Variants in NOL4L observed in about 807,000 individuals in gnomAD.
The protein encoded by NOL4L is nucleolar protein 4-like.
NOL4L carries 7 observed loss-of-function variants against 64.5 expected under a neutral mutation model. The observed-to-expected ratio is 0.11, with a 90% CI of 0.06 to 0.20. The LOEUF (loss-of-function observed/expected upper bound fraction) is 0.20, where lower values mean the gene tolerates loss of function less well. Ranked by LOEUF, NOL4L falls within the 10% of genes least tolerant of loss-of-function variation. The pLI, the probability that NOL4L is intolerant of heterozygous loss-of-function variation, is 1.00. For synonymous variants in NOL4L, 413 were observed against 401.0 expected (o/e 1.03, Z -0.36); for missense variants, 680 against 967.1 (o/e 0.70, Z 3.94).
chr20:32,527,528 A>AC (rs958710389), intron 2 of NOL4L, among the ~76,000 whole-genome samples: 2 of 149,524 alleles, frequency 1.3e-5, no homozygotes, highest in African/African-American at 4.9e-5. Flanking sequence ...CCTCCCTCTC[A>AC]CCCCCTTCAA....
chr20:32,486,390 C>T (rs539315435), intron 4 of NOL4L, among the ~76,000 whole-genome samples: 72 of 152,294 alleles, frequency 4.7e-4, no homozygotes, highest in African/African-American at 1.6e-3. Context: ...CCATCTGCTT[C>T]GGGGGGACAA....
chr20:32,495,704 C>T (rs1164886070), intron 4 of NOL4L, among the ~76,000 whole-genome samples: 1 of 152,248 alleles, frequency 6.6e-6, no homozygotes, highest in Non-Finnish European at 1.5e-5. Context: ...TGGCTCACGT[C>T]CCAGCACTTT....
At chr20:32,510,604 T>C (rs1354367529) in intron 4 of NOL4L, 1 of 155,116 alleles carries the variant, frequency 6.4e-6, no homozygotes, top group Non-Finnish European at 1.4e-5. Flanking sequence ...TCCAATCCCC[T>C]GCTAGGGCCA....
intron 4 of NOL4L, among the ~76,000 whole-genome samples, chr20:32,480,190 C>T (rs1247579106): frequency 1.3e-5 from 2 of 152,202 alleles, no homozygotes; most frequent in Non-Finnish European, 2.9e-5. Flanking sequence ...GACTTGGGAT[C>T]CTGGGGCGTG....
intron 1 of NOL4L, among the ~76,000 whole-genome samples, chr20:32,528,265 G>A (rs928806862): frequency 2.6e-5 from 4 of 152,212 alleles, no homozygotes; most frequent in Non-Finnish European, 5.9e-5. Context: ...CTCTGGGGAG[G>A]GGGGAGTGCT....
At chr20:32,498,678 A>C (rs963450213) in intron 4 of NOL4L, among the ~76,000 whole-genome samples, 1 of 149,532 alleles carries the variant, frequency 6.7e-6, no homozygotes, top group Non-Finnish European at 1.5e-5. Context: ...TGGGAGGATC[A>C]CTAGAGCCTG....
rs780026785 is a variant in NOL4L at position 32,447,854 on chromosome 20, C to A, written c.1823-38G>T. 3.0e-5 allele frequency: 46 copies of A among 1,515,510 alleles called. No individual in the cohort carries two copies. In the South Asian group the frequency reaches 5.4e-4, roughly 18 times the overall value. 93.9% of individuals were successfully genotyped at this position (1,515,510 alleles called of 1,614,324 possible). A position where few individuals can be genotyped will look rare whatever the true frequency, so the allele number is the denominator to read the frequency against. ...AAGTAGGGTGAGAAGGGAGCAGCCA[C>A]CCTGCCTGGCATCTGGGAGGTGTAC... On this transcript the variant is annotated intron_variant, in intron 10 of 10. Coordinates refer to ENST00000621426, the MANE Select transcript of NOL4L (RefSeq NM_001256798.2).
At chr20:32,490,597 C>T (rs186408805) in intron 4 of NOL4L, among the ~76,000 whole-genome samples, 2 of 152,312 alleles carry the variant, frequency 1.3e-5, no homozygotes, top group African/African-American at 2.4e-5. Context: ...GTCAGTTTGA[C>T]ACCTTTGCTG....
chr20:32,475,830 T>TTCG (rs2015359457), intron 4 of NOL4L, among the ~76,000 whole-genome samples: 1 of 152,110 alleles, frequency 6.6e-6, no homozygotes. Context: ...GGTTGGAACT[T>TTCG]TCTTAGACTG....
chr20:32,552,353 T>C (rs1225952666), intron 1 of NOL4L, among the ~76,000 whole-genome samples: 1 of 152,120 alleles, frequency 6.6e-6, no homozygotes, highest in Non-Finnish European at 1.5e-5. Flanking sequence ...TTTTTCTTTT[T>C]AACAGTCTAC....
At chr20:32,508,214 C>A (rs2040653712) in intron 4 of NOL4L, among the ~76,000 whole-genome samples, 1 of 152,214 alleles carries the variant, frequency 6.6e-6, no homozygotes. Flanking sequence ...AGCAGCCGAA[C>A]CTGTCCTGCG....
chr20:32,475,168 C>T (rs2015308759), intron 4 of NOL4L: 1 of 985,484 alleles, frequency 1.0e-6, no homozygotes, highest in Non-Finnish European at 1.2e-6. Context: ...CCACCAGGCA[C>T]TGAGGCTGAG....
intron 1 of NOL4L, among the ~76,000 whole-genome samples, chr20:32,556,409 G>A (rs1208143384): frequency 2.6e-5 from 4 of 152,108 alleles, no homozygotes; most frequent in Admixed American, 2.0e-4. Flanking sequence ...CTCGTCCTCT[G>A]CTACTTGTCT....
At chr20:32,534,127 G>C (rs184853921) in intron 1 of NOL4L, among the ~76,000 whole-genome samples, 96 of 152,356 alleles carry the variant, frequency 6.3e-4, no homozygotes, top group Non-Finnish European at 1.8e-4. Flanking sequence ...TATATTAGTA[G>C]AGTGTGCCTT....
intron 2 of NOL4L, among the ~76,000 whole-genome samples, chr20:32,527,491 C>T (rs2018174727): frequency 6.6e-6 from 1 of 152,068 alleles, no homozygotes; most frequent in East Asian, 1.9e-4. Context: ...AAGAGGAGGG[C>T]GCCTCCTGCC....
intron 1 of NOL4L, among the ~76,000 whole-genome samples, chr20:32,538,462 GCTCCCTCC>G (rs145359787): frequency 0.18 from 23,129 of 125,252 alleles, 3,425 homozygotes; most frequent in African/African-American, 0.44. Context: ...TCCCTCCCTC[GCTCCCTCC>G]CTCCCTCCCT....
chr20:32,488,648 C>A (rs1313576242), intron 4 of NOL4L, among the ~76,000 whole-genome samples: 2 of 152,162 alleles, frequency 1.3e-5, no homozygotes, highest in Non-Finnish European at 2.9e-5. Flanking sequence ...TCTTATTTTC[C>A]TTTGCTCCTC....
intron 9 of NOL4L, 64 bp downstream of exon 9, chr20:32,452,820 A>G: frequency 1.2e-6 from 2 of 1,601,650 alleles, no homozygotes; most frequent in Non-Finnish European, 1.7e-6. Flanking sequence ...GTCCACACCC[A>G]TATAAGGCCT....
chr20:32,541,008 T>TACACACACACACACACACACACAC (rs10675320), intron 1 of NOL4L, among the ~76,000 whole-genome samples: 3 of 133,602 alleles, frequency 2.2e-5, no homozygotes, highest in East Asian at 2.5e-4. Context: ...CGCCACCCCC[T>TACACACACACACACACACACACAC]ACACACACAC....
Sources: gnomAD v4.1 joint callset for allele counts (sites outside exome capture counted in the v4.1 genomes callset) on GRCh38, gnomAD v4.1.1 for gene constraint, MANE v1.5 for transcripts, NCBI Gene and HGNC (gene_info 2026-07-23, HGNC 2026-07-21) for gene names.